Variants in PLA2G5 observed in about 807,000 individuals in gnomAD.
PLA2G5 encodes the protein Ca2+-dependent phospholipase A2.
A neutral mutation model predicts 15.9 loss-of-function variants in PLA2G5; 12 were observed. The ratio of observed to expected loss-of-function variants is 0.76; its 90% CI spans 0.48 to 1.23. The LOEUF is 1.23. PLA2G5 is among the 50% of genes most tolerant of loss of function. The pLI, the probability that PLA2G5 is intolerant of heterozygous loss-of-function variation, is 0.00. For synonymous variants in PLA2G5, 71 were observed against 71.4 expected (o/e 0.99, Z 0.03); for missense variants, 169 against 177.1 (o/e 0.95, Z 0.26).
chr1:20,056,096 TC>T (rs1257351810), intron 1 of PLA2G5, among the ~76,000 whole-genome samples: 1 of 152,172 alleles, frequency 6.6e-6, no homozygotes, highest in African/African-American at 2.4e-5. Flanking sequence ...TCTTTCCCCT[TC>T]TTTTAAAAGA....
chr1:20,037,051 G>A (rs1354070162), intron 1 of PLA2G5, among the ~76,000 whole-genome samples: 2 of 152,108 alleles, frequency 1.3e-5, no homozygotes, highest in African/African-American at 4.8e-5. Flanking sequence ...TTCTTTCTCT[G>A]GCAATTCAGA....
At chr1:20,063,683 G>A (rs896016711) in intron 2 of PLA2G5, 3 of 152,198 alleles carry the variant, frequency 2.0e-5, no homozygotes, top group Non-Finnish European at 4.4e-5. Flanking sequence ...GAATGAATAT[G>A]TTTAAAATAA....
intron 1 of PLA2G5, among the ~76,000 whole-genome samples, chr1:20,037,638 AG>A (rs1179231998): frequency 6.6e-6 from 1 of 152,212 alleles, no homozygotes; most frequent in African/African-American, 2.4e-5. Flanking sequence ...TTCTTGGAGC[AG>A]GGTTGTTCTG....
rs541302368 is a variant in PLA2G5 at position 20,084,651 on chromosome 1, T to G, written c.-10-170T>G. On this transcript the variant is annotated intron_variant, in intron 1 of 4. Transcript: ENST00000375108. The stretch of plus-strand genomic sequence containing the variant: ...GTCCCTCTGCCTCCAGGGCCCTCAG[T>G]GGACCTACAGTTTTTTGCCTCATCT... Among the ~76,000 whole-genome samples the G allele has an allele frequency of 3.9e-5, 6 of 152,272 alleles. No homozygotes were observed. In the East Asian group the frequency reaches 1.2e-3, roughly 29 times the overall value.
At chr1:20,065,905 G>C (rs1419706558), upstream of PLA2G5, 1 of 152,258 alleles carries the variant, frequency 6.6e-6, no homozygotes, top group African/African-American at 2.4e-5. Context: ...CTACTCAGGA[G>C]GCTGAGGCAG....
chr1:20,035,102 C>G (rs764239380), intron 1 of PLA2G5, among the ~76,000 whole-genome samples: 160 of 152,040 alleles, frequency 1.1e-3, no homozygotes, highest in Non-Finnish European at 2.0e-3. Flanking sequence ...GTTTTGGCAC[C>G]CAAAATGTTA....
In PLA2G5 at chr1:20,081,515, A is replaced by G. The variant is rs183525794; in HGVS notation, c.-10-3306A>G. The stretch of plus-strand genomic sequence containing the variant: ...GGAGGAGCCACGGGAAGCATCGCCC[A>G]GGGCCTTTGCTGTGATCTCTGGGAA... On this transcript the variant is annotated intron_variant, in intron 1 of 4. Coordinates refer to ENST00000375108, the MANE Select transcript of PLA2G5 (RefSeq NM_000929.3). Among the ~76,000 whole-genome samples the G allele has an allele frequency of 1.1e-4, 17 of 152,004 alleles. No individual in the cohort carries two copies. The East Asian group carries it at 2.1e-3, about 19-fold the overall frequency.
intron 1 of PLA2G5, among the ~76,000 whole-genome samples, chr1:20,033,306 G>T (rs910342924): frequency 3.3e-5 from 5 of 152,250 alleles, no homozygotes; most frequent in Admixed American, 1.3e-4. Flanking sequence ...TGTGTTGGAA[G>T]TGGGAGGAGA....
upstream of PLA2G5, among the ~76,000 whole-genome samples, chr1:20,068,163 CAG>C (rs1201052372): frequency 1.3e-5 from 2 of 151,998 alleles, no homozygotes; most frequent in African/African-American, 4.8e-5. Flanking sequence ...AAAATAAAAT[CAG>C]AGGGGAAACA....
chr1:20,074,001 A>G (rs2015528165), intron 1 of PLA2G5, among the ~76,000 whole-genome samples: 1 of 152,200 alleles, frequency 6.6e-6, no homozygotes, highest in Non-Finnish European at 1.5e-5. Flanking sequence ...GCCATAAACA[A>G]GTAAGTAAAA....
intron 1 of PLA2G5, among the ~76,000 whole-genome samples, chr1:20,040,845 A>T (rs980371782): frequency 1.3e-5 from 2 of 152,184 alleles, no homozygotes; most frequent in Non-Finnish European, 2.9e-5. Context: ...GGAGAGGCTA[A>T]TCAGAAACTC....
At chr1:20,084,702 T>C in intron 1 of PLA2G5, 119 bp from the exon 2 acceptor site, 2 of 741,854 alleles carry the variant, frequency 2.7e-6, no homozygotes, top group Non-Finnish European at 4.9e-6. Context: ...ATCTTGTTTA[T>C]TGCCCACCAT....
At chr1:20,033,997 T>A (rs2013108570) in intron 1 of PLA2G5, among the ~76,000 whole-genome samples, 1 of 152,018 alleles carries the variant, frequency 6.6e-6, no homozygotes, top group Non-Finnish European at 1.5e-5. Flanking sequence ...GCTCCTTTGG[T>A]TGATTTGGGA....
chr1:20,063,861 T>G (rs1381597588), intron 2 of PLA2G5, among the ~76,000 whole-genome samples: 1 of 152,180 alleles, frequency 6.6e-6, no homozygotes, highest in Non-Finnish European at 1.5e-5. Context: ...ATCTGTCCAG[T>G]GCAACCACCT....
intron 1 of PLA2G5, among the ~76,000 whole-genome samples, chr1:20,044,069 C>T (rs1021968576): frequency 1.3e-5 from 2 of 152,140 alleles, no homozygotes; most frequent in Admixed American, 6.5e-5. Flanking sequence ...TCCAGTGGGT[C>T]CCTGCACAGA....
chr1:20,050,206 C>G (rs2014115867), intron 1 of PLA2G5, among the ~76,000 whole-genome samples: 1 of 152,122 alleles, frequency 6.6e-6, no homozygotes, highest in Non-Finnish European at 1.5e-5. Flanking sequence ...CATTGAGTTA[C>G]AGGGCTTTGA....
chr1:20,034,868 AT>A (rs1415046599), intron 1 of PLA2G5, among the ~76,000 whole-genome samples: 1 of 151,976 alleles, frequency 6.6e-6, no homozygotes, highest in Non-Finnish European at 1.5e-5. Flanking sequence ...CAGCGCTGGG[AT>A]TTTCTGGTGA....
At chr1:20,081,738 C>T (rs2016039931) in intron 1 of PLA2G5, among the ~76,000 whole-genome samples, 1 of 151,762 alleles carries the variant, frequency 6.6e-6, no homozygotes, top group Non-Finnish European at 1.5e-5. Context: ...GGGACGTATC[C>T]ATACAGGCCT....
At chr1:20,072,612 T>C (rs1569777771) in intron 1 of PLA2G5, among the ~76,000 whole-genome samples, 1 of 151,976 alleles carries the variant, frequency 6.6e-6, no homozygotes, top group African/African-American at 2.4e-5. Context: ...CTGGCGTAGG[T>C]TGGGGGCCAA....
Sources: allele counts gnomAD v4.1 joint callset (sites outside exome capture counted in the v4.1 genomes callset), GRCh38; gene constraint gnomAD v4.1.1; transcripts MANE v1.5; gene names NCBI Gene and HGNC (gene_info 2026-07-23, HGNC 2026-07-21).